PDCD6IP: variants seen among roughly 807,000 people sequenced by gnomAD.
PDCD6IP encodes the protein programmed cell death 6 interacting protein.
A neutral mutation model predicts 103.7 loss-of-function variants in PDCD6IP; 43 were observed. The observed-to-expected ratio is 0.41, with a 90% CI of 0.32 to 0.53. The LOEUF (loss-of-function observed/expected upper bound fraction) is 0.53. Among genes scored for constraint, PDCD6IP ranks in the 20% least tolerant of loss-of-function variants. The pLI is 0.16. For missense variants in PDCD6IP, 871 were observed against 1,036.7 expected (o/e 0.84, Z 2.20); for synonymous variants, 354 against 378.7 (o/e 0.93, Z 0.76).
At chr3:33,855,126 T>C in intron 14 of PDCD6IP, 40 bp from the exon 15 acceptor site, 1 of 1,268,324 alleles carries the variant, frequency 7.9e-7, no homozygotes, top group Non-Finnish European at 1.2e-6. Context: ...GATTAAAAAA[T>C]TGTTCTTGTT....
At chr3:33,819,208 A>G (rs1482830547) in intron 3 of PDCD6IP, among the ~76,000 whole-genome samples, 1 of 151,992 alleles carries the variant, frequency 6.6e-6, no homozygotes, top group East Asian at 1.9e-4. Flanking sequence ...TAAAACTTGA[A>G]AAAAAATTTT....
At chr3:33,813,705 T>C in intron 3 of PDCD6IP, 77 bp downstream of exon 3, 1 of 807,570 alleles carries the variant, frequency 1.2e-6, no homozygotes, top group East Asian at 2.5e-5. Flanking sequence ...AAAATTGTTA[T>C]CCTAATGACT....
At chr3:33,842,681 G>A (rs1697501795) in intron 10 of PDCD6IP, among the ~76,000 whole-genome samples, 1 of 152,084 alleles carries the variant, frequency 6.6e-6, no homozygotes, top group African/African-American at 2.4e-5. Flanking sequence ...CAAATTTAGT[G>A]TAGAAAGTTC....
chr3:33,836,245 C>G lies in PDCD6IP; in HGVS notation c.1036C>G (p.Pro346Ala). The G allele has an allele frequency of 6.2e-7, 1 of 1,603,158 alleles. No homozygotes were observed. Among genetic ancestry groups the G allele is most frequent in the Non-Finnish European group, 8.5e-7 (1 of 1,170,420 alleles). Reference sequence around the variant, plus strand: ...TGTGAAATCTACCCCGGTCAATGTACCCATCAGTCAGAAATTTACTGGTAT... The same window carrying G: ...TGTGAAATCTACCCCGGTCAATGTAGCCATCAGTCAGAAATTTACTGGTAT... ...TLVKSTPVNV[P>A]ISQKFTDLFE... The change falls in exon 8 of 18, where the codon CCC (proline) becomes GCC (alanine). Residue 346 changes from proline to alanine, a missense_variant. Transcript: ENST00000307296.
chr3:33,831,080 T>G (rs1277798005), intron 7 of PDCD6IP, among the ~76,000 whole-genome samples: 1 of 152,154 alleles, frequency 6.6e-6, no homozygotes, highest in Non-Finnish European at 1.5e-5. Context: ...CAATCACTTC[T>G]GGGGCCAAGA....
chr3:33,841,997 G>T lies in PDCD6IP; in HGVS notation c.1282G>T (p.Gly428Ter). 2.5e-6 allele frequency: 4 copies of T among 1,608,238 alleles called. No individual in the cohort carries two copies. The highest frequency in any genetic ancestry group is 3.4e-6 in the Non-Finnish European group (4 of 1,174,752). The change falls in exon 10 of 18, where the codon GGA (glycine) becomes TGA (stop). Residue 428 changes from glycine to a stop codon, truncating the protein, a stop_gained. Transcript: ENST00000307296. LOFTEE classifies it high-confidence loss of function. ...TAAATCCAGATCTGTGATTGAACAG[G>T]GAGGCATCCAGACTGTTGATCAGTT... Reference protein sequence around the residue: ...LTKSRSVIEQGGIQTVDQLIK... With the variant: ...LTKSRSVIEQ
chr3:33,821,818 A>T (rs1437051954), intron 3 of PDCD6IP, 137 bp from the exon 4 acceptor site: 1 of 726,634 alleles, frequency 1.4e-6, no homozygotes, highest in African/African-American at 1.8e-5. Context: ...GGAGCATATG[A>T]CAGCAAGAAA....
At chr3:33,812,030 A>G in intron 1 of PDCD6IP, 42 bp from the exon 2 acceptor site, 1 of 1,561,312 alleles carries the variant, frequency 6.4e-7, no homozygotes, top group Non-Finnish European at 8.6e-7. Flanking sequence ...AATGCATGTA[A>G]TATTTAGCTC....
rs766371014 is a variant in PDCD6IP, at chr3:33,844,145, G to A, written c.1393G>A (p.Asp465Asn). ...LRLLDEEEAT[D>N]NDLRAKFKER... ...GTTGTTGGATGAAGAAGAAGCAACCGATAATGATTTAAGAGCAAAATTTAA... is the reference window on the plus strand; with the variant it reads ...GTTGTTGGATGAAGAAGAAGCAACCAATAATGATTTAAGAGCAAAATTTAA... Residue 465 changes from aspartate to asparagine, a missense_variant, in exon 11 of 18, where the codon GAT becomes AAT. Coordinates refer to ENST00000307296, the MANE Select transcript of PDCD6IP (RefSeq NM_013374.6). The A allele has an allele frequency of 2.7e-5, 43 of 1,607,816 alleles. No individual in the cohort carries two copies. Among genetic ancestry groups the A allele is most frequent in the Middle Eastern group, 1.6e-4 (1 of 6,064 alleles).
At chr3:33,832,610 A>C (rs953133493) in intron 7 of PDCD6IP, among the ~76,000 whole-genome samples, 28 of 152,284 alleles carry the variant, frequency 1.8e-4, no homozygotes, top group Non-Finnish European at 4.4e-5. Flanking sequence ...ATTTTATAAT[A>C]GCCTTGTTTA....
At chr3:33,842,405 C>T (rs1171142837) in intron 10 of PDCD6IP, among the ~76,000 whole-genome samples, 1 of 152,046 alleles carries the variant, frequency 6.6e-6, no homozygotes, top group African/African-American at 2.4e-5. Flanking sequence ...TAGCATGTAG[C>T]AAGATTTTTC....
intron 9 of PDCD6IP, among the ~76,000 whole-genome samples, chr3:33,839,133 T>C (rs1488357063): frequency 6.6e-6 from 1 of 152,176 alleles, no homozygotes; most frequent in Admixed American, 6.5e-5. Context: ...TAAATGTATG[T>C]ACCCATGTAA....
At chr3:33,821,877 C>T (rs72619958) in intron 3 of PDCD6IP, 78 bp from the exon 4 acceptor site, 164,540 of 1,357,302 alleles carry the variant, frequency 0.12, 13,935 homozygotes, top group East Asian at 0.38. Context: ...TGAGAGAGGT[C>T]ATAGTATTTC....
At chr3:33,799,610 A>G (rs1035581404) in intron 1 of PDCD6IP, 1 of 114,162 alleles carries the variant, frequency 8.8e-6, no homozygotes, top group African/African-American at 3.2e-5. Context: ...ATTTTAGCAA[A>G]CGCTTATTTA....
chr3:33,818,513 CTTTTTTTTTT>C (rs61405380), intron 3 of PDCD6IP, among the ~76,000 whole-genome samples: 1 of 89,264 alleles, frequency 1.1e-5, no homozygotes, highest in Admixed American at 1.5e-4. Flanking sequence ...TGATCCCTTG[CTTTTTTTTTT>C]TTTTTTTTTT....
Position 33,867,526 on chromosome 3 carries a change from C to T in PDCD6IP, c.*1001C>T, listed in dbSNP as rs1698091816. 6.6e-6 allele frequency: 1 copy of T among 152,138 alleles called. No homozygotes were observed. Among genetic ancestry groups the T allele is most frequent in the East Asian group, 1.9e-4 (1 of 5,206 alleles). The allele number at this position is 152,138 out of a possible 1,614,324, so 9.4% of individuals were successfully genotyped here. A position where few individuals can be genotyped will look rare whatever the true frequency, so the allele number is the denominator to read the frequency against. On this transcript the variant is annotated 3_prime_UTR_variant, in exon 18 of 18. Transcript: ENST00000307296. ...CCCAATATGTATGAATAGATCTAAG[C>T]CATTTAATTTTTTTTCCTTAAAGAT...
At chr3:33,809,607 T>G (rs923096240) in intron 1 of PDCD6IP, among the ~76,000 whole-genome samples, 8 of 152,248 alleles carry the variant, frequency 5.3e-5, no homozygotes, top group African/African-American at 1.4e-4. Context: ...AGTACAACTT[T>G]CAAAGTCAGG....
intron 10 of PDCD6IP, among the ~76,000 whole-genome samples, chr3:33,843,085 A>G (rs1697512450): frequency 1.3e-5 from 2 of 152,180 alleles, no homozygotes; most frequent in East Asian, 1.9e-4. Flanking sequence ...TTTGTGTCAC[A>G]CAGATAGTGC....
rs568100396 is a variant in PDCD6IP, at chr3:33,837,108, C to T, written c.1057+842C>T. On this transcript the variant is annotated intron_variant, in intron 8 of 17. Transcript: ENST00000307296. Reference sequence around the variant, plus strand: ...GCTAGTTTTGTATTTTTAGTAGAGACGGGGTTTCTCCGTGTTGGTCAGGCT... The same window carrying T: ...GCTAGTTTTGTATTTTTAGTAGAGATGGGGTTTCTCCGTGTTGGTCAGGCT... Among the ~76,000 whole-genome samples, 299 of 151,808 alleles carry T rather than the reference C, an allele frequency of 2.0e-3. 2 individuals are homozygous for T. Among genetic ancestry groups the T allele is most frequent in the African/African-American group, 6.9e-3 (284 of 41,398 alleles).
Sources: gnomAD v4.1 joint callset for allele counts (sites outside exome capture counted in the v4.1 genomes callset) on GRCh38, gnomAD v4.1.1 for gene constraint, MANE v1.5 for transcripts, NCBI Gene and HGNC (gene_info 2026-07-23, HGNC 2026-07-21) for gene names.